The following ILDR1 variants were observed in gnomAD, a reference collection of about 807,000 sequenced individuals.
The protein encoded by ILDR1 is immunoglobulin-like domain-containing receptor 1.
A neutral mutation model predicts 62.4 loss-of-function variants in ILDR1; 56 were observed. The ratio of observed to expected loss-of-function variants is 0.90; its 90% CI spans 0.72 to 1.12. The LOEUF (loss-of-function observed/expected upper bound fraction) is 1.12, where lower values mean the gene tolerates loss of function less well. ILDR1 is among the 50% of genes most tolerant of loss of function. ILDR1 has a pLI of 0.00. For missense variants in ILDR1, 736 were observed against 710.6 expected, an observed-to-expected ratio of 1.04 and a Z score of -0.41; for synonymous variants, 284 against 277.8, an observed-to-expected ratio of 1.02 and a Z score of -0.22.
chr3:122,030,808 A>G, the ILDR1 span, among the ~76,000 whole-genome samples: 2 of 152,158 alleles, frequency 1.3e-5, no homozygotes, highest in South Asian at 2.1e-4. Flanking sequence ...TGTTTCAATT[A>G]GTATTTGGGG....
intron 3 of ILDR1, among the ~76,000 whole-genome samples, chr3:122,002,939 T>C (rs553165883): frequency 1.3e-5 from 2 of 152,342 alleles, no homozygotes; most frequent in South Asian, 4.1e-4. Flanking sequence ...ATCCAGCATC[T>C]ACAAGGAATT....
chr3:122,035,022 T>A, the ILDR1 span, among the ~76,000 whole-genome samples: 2 of 151,990 alleles, frequency 1.3e-5, no homozygotes, highest in South Asian at 4.1e-4. Flanking sequence ...CCAAACCATA[T>A]CAAATCCCAC....
chr3:122,005,473 T>C, intron 2 of ILDR1, 80 bp from the exon 3 acceptor site: 1 of 1,491,240 alleles, frequency 6.7e-7, no homozygotes, highest in South Asian at 1.1e-5. Flanking sequence ...GCTCCGGGCG[T>C]GAGACACAGT....
At chr3:122,025,580 C>A (rs1388722739), upstream of ILDR1, among the ~76,000 whole-genome samples, 1 of 152,232 alleles carries the variant, frequency 6.6e-6, no homozygotes, top group African/African-American at 2.4e-5. Context: ...GTTATCTCAT[C>A]ATTTATAATC....
At chr3:121,994,128 G>T in intron 6 of ILDR1, 54 bp downstream of exon 6, 2 of 1,531,222 alleles carry the variant, frequency 1.3e-6, no homozygotes, top group South Asian at 2.4e-5. Flanking sequence ...TGTAGCCCAT[G>T]TTCCCGCCCT....
At chr3:122,042,157 A>C in the ILDR1 span, among the ~76,000 whole-genome samples, 1 of 92,266 alleles carries the variant, frequency 1.1e-5, no homozygotes, top group Non-Finnish European at 2.1e-5. Flanking sequence ...ATGAGTGAGA[A>C]TATGCGGTGT....
chr3:121,991,816 G>A (rs2071351902), intron 7 of ILDR1, among the ~76,000 whole-genome samples: 1 of 152,206 alleles, frequency 6.6e-6, no homozygotes, highest in African/African-American at 2.4e-5. Context: ...CACACACCAT[G>A]TATGTGATTG....
chr3:121,993,409 G>A lies in ILDR1; in HGVS notation c.1340C>T (p.Pro447Leu). 2 of 1,613,684 alleles carry A rather than the reference G, an allele frequency of 1.2e-6. No individual in the cohort carries two copies. Among genetic ancestry groups the A allele is most frequent in the Middle Eastern group, 3.3e-4 (2 of 6,060 alleles). The change falls in exon 7 of 8, where the codon CCC (proline) becomes CTC (leucine). Residue 447 changes from proline (P) to leucine (L), a missense_variant. Transcript: ENST00000344209. ...GCTCTCCCGGGGGCTGGGCCTGCGG[G>A]GCCTCTCCTGACAGCGGCTCCTGAA... ...PPFRSRCQER[P>L]RRPSPRESTQ...
chr3:122,052,812 G>T, the ILDR1 span, among the ~76,000 whole-genome samples: 1 of 152,114 alleles, frequency 6.6e-6, no homozygotes, highest in East Asian at 1.9e-4. Flanking sequence ...CAAGTGATCC[G>T]CCTGCCTTGG....
the ILDR1 span, among the ~76,000 whole-genome samples, chr3:122,036,431 T>C: frequency 2.0e-5 from 3 of 151,574 alleles, no homozygotes; most frequent in Non-Finnish European, 2.9e-5. Context: ...CTACTAAAAA[T>C]ACAAAAAATT....
chr3:122,022,207 G>C lies in ILDR1; in HGVS notation c.-130C>G. The C allele has an allele frequency of 6.4e-6, 5 of 783,298 alleles. No homozygotes were observed. The highest frequency in any genetic ancestry group is 1.0e-5 in the Non-Finnish European group (5 of 497,552). The allele number at this position is 783,298 out of a possible 1,614,324, so 48.5% of individuals were successfully genotyped here. ...GGGTTTCCCCTCCCTCGGCGCAGCG[G>C]GGAGGGAGCGTCCGCTCTGGTCCCG... On this transcript the variant is annotated 5_prime_UTR_variant, in exon 1 of 8. Coordinates refer to ENST00000344209, the MANE Select transcript of ILDR1 (RefSeq NM_001199799.2).
chr3:122,009,324 A>AACACACACACACACACACACAC (rs60284951), intron 1 of ILDR1, among the ~76,000 whole-genome samples: 55 of 137,898 alleles, frequency 4.0e-4, no homozygotes, highest in South Asian at 1.0e-3. Context: ...CTCAATTTAA[A>AACACACACACACACACACACAC]ACACACACAC....
At chr3:122,052,973 G>A in the ILDR1 span, among the ~76,000 whole-genome samples, 2 of 152,230 alleles carry the variant, frequency 1.3e-5, no homozygotes, top group Non-Finnish European at 2.9e-5. Flanking sequence ...TGTGCCGAGA[G>A]GACAGACTAT....
chr3:122,060,142 G>A, the ILDR1 span, among the ~76,000 whole-genome samples: 1 of 152,298 alleles, frequency 6.6e-6, no homozygotes, highest in Middle Eastern at 3.4e-3. Flanking sequence ...TCAGGGAGGA[G>A]GGAAAGAAAC....
chr3:122,033,295 T>A, the ILDR1 span, among the ~76,000 whole-genome samples: 1 of 152,162 alleles, frequency 6.6e-6, no homozygotes, highest in East Asian at 1.9e-4. Flanking sequence ...GGATATCCTT[T>A]CTTGAGTCTC....
At chr3:122,059,157 CA>C in the ILDR1 span, among the ~76,000 whole-genome samples, 1 of 151,826 alleles carries the variant, frequency 6.6e-6, no homozygotes, top group Admixed American at 6.6e-5. Flanking sequence ...GGTGCAAGTT[CA>C]AAAAAGAGGG....
the ILDR1 span, among the ~76,000 whole-genome samples, chr3:122,041,825 C>A: frequency 6.7e-6 from 1 of 150,244 alleles, no homozygotes; most frequent in Admixed American, 6.6e-5. Flanking sequence ...ATCTTTAGAG[C>A]TTTCTATATA....
At chr3:122,028,924 A>G in the ILDR1 span, among the ~76,000 whole-genome samples, 60 of 152,260 alleles carry the variant, frequency 3.9e-4, no homozygotes, top group Admixed American at 1.3e-3. Flanking sequence ...TCATTCTTGG[A>G]CACAGGTACC....
the ILDR1 span, among the ~76,000 whole-genome samples, chr3:122,035,696 G>A: frequency 2.0e-5 from 3 of 152,168 alleles, no homozygotes; most frequent in Non-Finnish European, 4.4e-5. Context: ...ATGATTGTAA[G>A]TTTCTGAGGC....
Sources: allele counts gnomAD v4.1 joint callset (sites outside exome capture counted in the v4.1 genomes callset), GRCh38; gene constraint gnomAD v4.1.1; transcripts MANE v1.5; gene names NCBI Gene and HGNC (gene_info 2026-07-23, HGNC 2026-07-21).